The following SLC26A3 variants were observed in gnomAD, a reference collection of about 807,000 sequenced individuals.
SLC26A3 encodes the protein solute carrier family 26 member 3.
In SLC26A3, 64 loss-of-function variants were observed where a neutral mutation model predicts 85.6. The ratio of observed to expected loss-of-function variants is 0.75; its 90% CI spans 0.61 to 0.92. The LOEUF (loss-of-function observed/expected upper bound fraction) is 0.92. SLC26A3 is among the 40% of genes least tolerant of loss of function. The pLI, the probability that SLC26A3 is intolerant of heterozygous loss-of-function variation, is 0.00. For synonymous variants in SLC26A3, 349 were observed against 336.0 expected (o/e 1.04, Z -0.42); for missense variants, 922 against 927.3 (o/e 0.99, Z 0.07).
At chr7:107,798,652 G>T (rs564536322) in intron 1 of SLC26A3, among the ~76,000 whole-genome samples, 7 of 152,128 alleles carry the variant, frequency 4.6e-5, no homozygotes, top group Non-Finnish European at 8.8e-5. Flanking sequence ...CAGCCCCTCC[G>T]CAGTCACATT....
At chr7:107,794,130 T>C (rs1401971741) in intron 2 of SLC26A3, among the ~76,000 whole-genome samples, 1 of 152,152 alleles carries the variant, frequency 6.6e-6, no homozygotes, top group East Asian at 1.9e-4. Flanking sequence ...ATATTTCAAA[T>C]GAGAATTTTC....
rs185356048 is a variant in SLC26A3 at position 107,768,181 on chromosome 7, A to G, written c.2063-273T>C. Among the ~76,000 whole-genome samples the G allele has an allele frequency of 2.0e-3, 300 of 152,344 alleles. 3 individuals carry two copies. Among genetic ancestry groups the G allele is most frequent in the African/African-American group, 7.0e-3 (290 of 41,578 alleles). Reference sequence around the variant, plus strand: ...ATGAAAAACAGTAGTTCCTAGAAGAAAATTCATTTAGGCAGGAGCCTAGTG... The same window carrying G: ...ATGAAAAACAGTAGTTCCTAGAAGAGAATTCATTTAGGCAGGAGCCTAGTG... On this transcript the variant is annotated intron_variant, in intron 18 of 20. Coordinates refer to ENST00000340010, the MANE Select transcript of SLC26A3 (RefSeq NM_000111.3).
chr7:107,772,205 C>G, intron 17 of SLC26A3, 97 bp from the exon 18 acceptor site: 1 of 743,016 alleles, frequency 1.3e-6, no homozygotes. Flanking sequence ...GTGATATATT[C>G]CTTTTAGAAG....
chr7:107,770,407 C>T (rs1196187479), intron 18 of SLC26A3, among the ~76,000 whole-genome samples: 1 of 150,746 alleles, frequency 6.6e-6, no homozygotes, highest in Non-Finnish European at 1.5e-5. Flanking sequence ...CAGGCACATG[C>T]CACCACACCC....
intron 16 of SLC26A3, among the ~76,000 whole-genome samples, chr7:107,774,563 C>G (rs1181329057): frequency 6.6e-6 from 1 of 152,094 alleles, no homozygotes; most frequent in East Asian, 1.9e-4. Flanking sequence ...CAAACAACAA[C>G]AAGATTGTGG....
In SLC26A3 at chr7:107,787,398, T is replaced by C; in HGVS notation, c.847A>G (p.Lys283Glu). 1 of 1,614,098 alleles carries C rather than the reference T, an allele frequency of 6.2e-7. No individual in the cohort carries two copies. Among genetic ancestry groups the C allele is most frequent in the Non-Finnish European group, 8.5e-7 (1 of 1,179,996 alleles). The change falls in exon 7 of 21, where the codon AAA becomes GAA. Residue 283 changes from lysine to glutamate, a missense_variant. Coordinates refer to ENST00000340010, the MANE Select transcript of SLC26A3 (RefSeq NM_000111.3). ...GGAATGGGCACTGGAAGTTTGTCTT[T>C]GAAGCGCTGATTTATTTCTTTAACA... Reference protein sequence around the residue: ...SIVKEINQRFKDKLPVPIPIE... With the variant: ...SIVKEINQRFEDKLPVPIPIE...
At chr7:107,785,572 T>C (rs1484532089) in intron 8 of SLC26A3, among the ~76,000 whole-genome samples, 1 of 152,334 alleles carries the variant, frequency 6.6e-6, no homozygotes, top group East Asian at 1.9e-4. Flanking sequence ...TTCTATTTGG[T>C]TTATGTCTCC....
Position 107,773,956 on chromosome 7 carries a change from G to A in SLC26A3, c.1971C>T (p.Ser657=). ...HSLILDFSAV[S]FLDVSSVRGL... is the part of the protein sequence containing the mutation. ...CCCTCACTGAAGAAACATCAAGAAA[G>A]GACACTGCTGAAAAGTCAAGAATGA... Residue 657 remains serine (S), a synonymous_variant, in exon 17 of 21, where the codon TCC becomes TCT. Coordinates refer to ENST00000340010, the MANE Select transcript of SLC26A3 (RefSeq NM_000111.3). 1 of 1,614,026 alleles carries A rather than the reference G, an allele frequency of 6.2e-7. No individual in the cohort carries two copies. Among genetic ancestry groups the A allele is most frequent in the Non-Finnish European group, 8.5e-7 (1 of 1,179,946 alleles).
At chr7:107,770,248 T>C in intron 18 of SLC26A3, among the ~76,000 whole-genome samples, 7 of 63,698 alleles carry the variant, frequency 1.1e-4, no homozygotes, top group African/African-American at 3.1e-4. Context: ...TTTTTTTTTT[T>C]TTTTTTTTTT....
intron 11 of SLC26A3, among the ~76,000 whole-genome samples, chr7:107,780,614 A>C (rs2115835697): frequency 6.6e-6 from 1 of 152,322 alleles, no homozygotes; most frequent in South Asian, 2.1e-4. Context: ...ACAGTGTACA[A>C]AGAAAAGCCA....
Position 107,789,697 on chromosome 7 carries a change from A to G in SLC26A3, c.571-9T>C, listed in dbSNP as rs200735098. 1,133 of 1,611,660 alleles carry G rather than the reference A, an allele frequency of 7.0e-4. No individual in the cohort carries two copies. The highest frequency in any genetic ancestry group is 9.1e-4 in the Non-Finnish European group (1,074 of 1,178,934). ...AGAATCCCAAAAGCCAACTGGAAAG[A>G]GAACAAAAGCCTTTGTCAGCATAGA... On this transcript the variant is annotated splice_polypyrimidine_tract_variant and intron_variant, in intron 5 of 20. Transcript: ENST00000340010.
chr7:107,786,729 C>T, intron 8 of SLC26A3, 98 bp downstream of exon 8: 1 of 990,346 alleles, frequency 1.0e-6, no homozygotes, highest in South Asian at 1.3e-5. Context: ...ATGAGGGTTA[C>T]CTGCAGGCTG....
At chr7:107,770,995 A>G (rs1263232815) in intron 18 of SLC26A3, among the ~76,000 whole-genome samples, 1 of 152,186 alleles carries the variant, frequency 6.6e-6, no homozygotes, top group Non-Finnish European at 1.5e-5. Context: ...ATGGGAGAGC[A>G]TTATAGGGAT....
In SLC26A3 at chr7:107,774,979, TAAAAA is replaced by T. The variant is rs1794087094; in HGVS notation, c.1678-112_1678-108del. The T allele has an allele frequency of 7.9e-5, 70 of 881,130 alleles. 1 individual carries two copies. The South Asian group carries it at 9.1e-4, about 11-fold the overall frequency. 54.6% of individuals were successfully genotyped at this position (881,130 alleles called of 1,614,324 possible). On this transcript the variant is annotated intron_variant, in intron 15 of 20. Transcript: ENST00000340010. ...TGATTTGAGGGATTGGGACAGATAATAAAAATATTTGTGACAAAATTTAAAAGTGG... is the reference window on the plus strand; with the variant it reads ...TGATTTGAGGGATTGGGACAGATAATTATTTGTGACAAAATTTAAAAGTGG...
At chr7:107,777,749 G>T (rs1362283341) in intron 13 of SLC26A3, among the ~76,000 whole-genome samples, 1 of 152,088 alleles carries the variant, frequency 6.6e-6, no homozygotes, top group African/African-American at 2.4e-5. Flanking sequence ...AGGTACGAGG[G>T]CAATCTAACA....
Position 107,765,784 on chromosome 7 carries a change from C to G in SLC26A3, c.*71G>C. 1 of 1,116,484 alleles carries G rather than the reference C, an allele frequency of 9.0e-7. No individual in the cohort carries two copies. Among genetic ancestry groups the G allele is most frequent in the African/African-American group, 1.5e-5 (1 of 65,438 alleles). The allele number at this position is 1,116,484 out of a possible 1,614,324, so 69.2% of individuals were successfully genotyped here. A position where few individuals can be genotyped will look rare whatever the true frequency, so the allele number is the denominator to read the frequency against. On this transcript the variant is annotated 3_prime_UTR_variant, in exon 21 of 21. Transcript: ENST00000340010. ...CTCTTCGTACAATGTATGAACTTATCAATAACTTTCTGGGTATAAAGTTGT... is the reference window on the plus strand; with the variant it reads ...CTCTTCGTACAATGTATGAACTTATGAATAACTTTCTGGGTATAAAGTTGT...
At chr7:107,800,217 G>C (rs1794577081) in intron 1 of SLC26A3, among the ~76,000 whole-genome samples, 1 of 152,196 alleles carries the variant, frequency 6.6e-6, no homozygotes, top group South Asian at 2.1e-4. Flanking sequence ...CAGCACAGCT[G>C]GGTGCAGTGG....
chr7:107,784,216 T>C (rs1368549388), intron 8 of SLC26A3, among the ~76,000 whole-genome samples: 2 of 152,210 alleles, frequency 1.3e-5, no homozygotes, highest in Non-Finnish European at 2.9e-5. Context: ...TACCATAATT[T>C]TGAAGAAGTA....
Position 107,791,939 on chromosome 7 carries a change from A to G in SLC26A3, c.273T>C (p.Gly91=). The G allele has an allele frequency of 6.4e-7, 1 of 1,571,198 alleles. No individual in the cohort carries two copies. The highest frequency in any genetic ancestry group is 1.1e-5 in the South Asian group (1 of 90,160). Residue 91 remains glycine (G), a splice_region_variant and synonymous_variant, in exon 4 of 21, where the codon GGT becomes GGC. Transcript: ENST00000340010. ...ISTGIVAVLQ[G]LAFALLVDIP... is the part of the protein sequence containing the mutation. Reference sequence around the variant, plus strand: ...TGTCGACCAGCAGAGCAAATGCTAAACCTGTAAACACACAAGCAGCAGAGC... The same window carrying G: ...TGTCGACCAGCAGAGCAAATGCTAAGCCTGTAAACACACAAGCAGCAGAGC...
Sources: gnomAD v4.1 joint callset for allele counts (sites outside exome capture counted in the v4.1 genomes callset) on GRCh38, gnomAD v4.1.1 for gene constraint, MANE v1.5 for transcripts, NCBI Gene and HGNC (gene_info 2026-07-23, HGNC 2026-07-21) for gene names.